SCAPER: variants seen among roughly 807,000 people sequenced by gnomAD.
SCAPER encodes S phase cyclin A-associated protein in the endoplasmic reticulum.
SCAPER carries 98 observed loss-of-function variants against 182.2 expected under a neutral mutation model. That is an observed-to-expected ratio of 0.54 (90% CI 0.46 to 0.64). The LOEUF is 0.64. Among genes scored for constraint, SCAPER ranks in the 30% least tolerant of loss-of-function variants. The pLI, the probability that SCAPER is intolerant of heterozygous loss-of-function variation, is 0.00. For synonymous variants in SCAPER, 605 were observed against 564.6 expected, an observed-to-expected ratio of 1.07 and a Z score of -1.01; for missense variants, 1,432 against 1,690.0, an observed-to-expected ratio of 0.85 and a Z score of 2.68.
rs541027728 is a variant in SCAPER, at chr15:76,706,914, C to T, written c.2166-930G>A. ...GTATAAATATATTTTCTCTTTTATT[C>T]GCCTAGTTCTCTTAAACATATACAA... On this transcript the variant is annotated intron_variant, in intron 17 of 31. Transcript: ENST00000563290. Among the ~76,000 whole-genome samples the T allele has an allele frequency of 2.5e-4, 38 of 151,954 alleles. No homozygotes were observed. In the East Asian group the frequency reaches 4.6e-3, roughly 19 times the overall value.
intron 20 of SCAPER, among the ~76,000 whole-genome samples, chr15:76,697,055 G>C (rs1313354965): frequency 6.6e-6 from 1 of 152,018 alleles, no homozygotes; most frequent in Non-Finnish European, 1.5e-5. Context: ...AAGGTCAAAG[G>C]TACAATTTTA....
At chr15:76,452,863 T>G (rs1189393510) in intron 25 of SCAPER, among the ~76,000 whole-genome samples, 1 of 151,982 alleles carries the variant, frequency 6.6e-6, no homozygotes, top group Non-Finnish European at 1.5e-5. Context: ...TTTTTAGAGA[T>G]AGAGTTGCCC....
chr15:76,672,295 T>A (rs1008697542), intron 20 of SCAPER, among the ~76,000 whole-genome samples: 1 of 152,174 alleles, frequency 6.6e-6, no homozygotes, highest in Non-Finnish European at 1.5e-5. Context: ...TAAAACTAAT[T>A]CCATGTAAAA....
At chr15:76,422,628 T>C (rs551694100) in intron 26 of SCAPER, among the ~76,000 whole-genome samples, 50 of 152,276 alleles carry the variant, frequency 3.3e-4, no homozygotes, top group Non-Finnish European at 6.2e-4. Flanking sequence ...TCCTGCCTGA[T>C]TGCCCTGGCC....
chr15:76,392,287 G>A (rs1372537244), intron 27 of SCAPER, among the ~76,000 whole-genome samples: 1 of 152,142 alleles, frequency 6.6e-6, no homozygotes, highest in Non-Finnish European at 1.5e-5. Flanking sequence ...GGAACAAAAT[G>A]TGTTATAATG....
At chr15:76,446,200 C>T (rs547167545) in intron 25 of SCAPER, among the ~76,000 whole-genome samples, 1 of 152,256 alleles carries the variant, frequency 6.6e-6, no homozygotes, top group East Asian at 1.9e-4. Context: ...GTCAGGATTT[C>T]AATCCAGGCT....
intron 8 of SCAPER, among the ~76,000 whole-genome samples, chr15:76,785,201 C>T (rs182443986): frequency 6.6e-6 from 1 of 152,270 alleles, no homozygotes; most frequent in Admixed American, 6.5e-5. Context: ...ACAACCCCAT[C>T]AAAAAGTGGG....
At chr15:76,856,733 T>C (rs2071413760) in intron 4 of SCAPER, among the ~76,000 whole-genome samples, 1 of 151,974 alleles carries the variant, frequency 6.6e-6, no homozygotes, top group South Asian at 2.1e-4. Context: ...CCAGGCACAG[T>C]GGTGTACACT....
At chr15:76,839,637 C>T (rs1488880736) in intron 5 of SCAPER, among the ~76,000 whole-genome samples, 2 of 152,192 alleles carry the variant, frequency 1.3e-5, no homozygotes, top group Non-Finnish European at 2.9e-5. Context: ...ATGGAAAACA[C>T]ATCTCTATTC....
chr15:76,613,688 C>T (rs1203183647), intron 22 of SCAPER, among the ~76,000 whole-genome samples: 1 of 152,082 alleles, frequency 6.6e-6, no homozygotes, highest in Non-Finnish European at 1.5e-5. Context: ...TAGAGAAATG[C>T]AAATCAAAAC....
chr15:76,585,331 TA>T (rs549486282), intron 22 of SCAPER, among the ~76,000 whole-genome samples: 22 of 148,758 alleles, frequency 1.5e-4, no homozygotes, highest in East Asian at 2.0e-4. Flanking sequence ...ATATTAAAAA[TA>T]AAAAAAAAAG....
chr15:76,706,020 C>T (rs756724020), intron 17 of SCAPER, 36 bp from the exon 18 acceptor site: 30 of 1,471,836 alleles, frequency 2.0e-5, no homozygotes, highest in Admixed American at 2.1e-5. Flanking sequence ...AACTCAACTG[C>T]TTAAAGTAAC....
At chr15:76,430,485 C>T (rs2046789476) in intron 26 of SCAPER, among the ~76,000 whole-genome samples, 1 of 152,240 alleles carries the variant, frequency 6.6e-6, no homozygotes, top group Non-Finnish European at 1.5e-5. Context: ...TGGGAACCCA[C>T]CTCTTGCAAC....
intron 23 of SCAPER, among the ~76,000 whole-genome samples, chr15:76,533,740 C>T (rs2043882388): frequency 6.8e-6 from 1 of 147,272 alleles, no homozygotes; most frequent in South Asian, 2.1e-4. Context: ...CAGTCTTTAA[C>T]TGGCTGTAAT....
At chr15:76,420,916 T>C (rs1315836916) in intron 26 of SCAPER, among the ~76,000 whole-genome samples, 2 of 152,172 alleles carry the variant, frequency 1.3e-5, no homozygotes, top group Non-Finnish European at 2.9e-5. Context: ...TGATGGTTTC[T>C]AGATTCATCC....
chr15:76,843,401 C>G (rs1024540316), intron 4 of SCAPER, among the ~76,000 whole-genome samples: 4 of 152,096 alleles, frequency 2.6e-5, no homozygotes, highest in African/African-American at 9.7e-5. Flanking sequence ...TTGTAGATGA[C>G]AAAACTGAGG....
chr15:76,685,747 G>T (rs2058002879), intron 20 of SCAPER, among the ~76,000 whole-genome samples: 1 of 152,034 alleles, frequency 6.6e-6, no homozygotes, highest in South Asian at 2.1e-4. Context: ...CCACAAAAAA[G>T]ATCTTGTTCT....
intron 26 of SCAPER, among the ~76,000 whole-genome samples, chr15:76,411,983 C>A (rs942471715): frequency 1.3e-5 from 2 of 152,082 alleles, no homozygotes; most frequent in South Asian, 4.2e-4. Flanking sequence ...TCCATGACCG[C>A]AAAGATATAT....
intron 26 of SCAPER, among the ~76,000 whole-genome samples, chr15:76,410,989 A>G (rs551968937): frequency 6.4e-4 from 98 of 152,256 alleles, no homozygotes; most frequent in Middle Eastern, 3.4e-3. Context: ...TAAATGCACA[A>G]AACTTAAGTG....
Sources: gnomAD v4.1 joint callset for allele counts (sites outside exome capture counted in the v4.1 genomes callset) on GRCh38, gnomAD v4.1.1 for gene constraint, MANE v1.5 for transcripts, NCBI Gene and HGNC (gene_info 2026-07-23, HGNC 2026-07-21) for gene names.